The following KMT2E variants were observed in gnomAD, a reference collection of about 807,000 sequenced individuals.
KMT2E encodes the protein lysine methyltransferase 2E (inactive).
KMT2E carries 30 observed loss-of-function variants against 184.6 expected under a neutral mutation model. The ratio of observed to expected loss-of-function variants is 0.16; its 90% CI spans 0.12 to 0.22. KMT2E has a LOEUF of 0.22. Ranked by LOEUF, KMT2E falls within the 10% of genes least tolerant of loss-of-function variation. The pLI is 1.00. For missense variants in KMT2E, 2,023 were observed against 2,237.4 expected (o/e 0.90, Z 1.93); for synonymous variants, 815 against 776.5 (o/e 1.05, Z -0.82).
chr7:105,039,706 A>G (rs1027363655), intron 2 of KMT2E, among the ~76,000 whole-genome samples: 3 of 152,196 alleles, frequency 2.0e-5, no homozygotes, highest in Admixed American at 2.0e-4. Context: ...GGAGAGAGCT[A>G]CCAGATTACT....
chr7:105,053,065 G>A (rs778688171), intron 3 of KMT2E, among the ~76,000 whole-genome samples: 45 of 152,138 alleles, frequency 3.0e-4, no homozygotes, highest in Non-Finnish European at 5.9e-4. Context: ...CTGTATAATT[G>A]AATGAAAAGT....
chr7:105,105,164 CAAAAA>C lies in KMT2E; in HGVS notation c.2197-269_2197-265del, dbSNP rs996640075. 5.5e-5 allele frequency: 13 copies of C among 234,328 alleles called. No individual in the cohort carries two copies. The Admixed American group carries it at 7.7e-4, about 14-fold the overall frequency. The allele number at this position is 234,328 out of a possible 1,614,324, so 14.5% of individuals were successfully genotyped here. On this transcript the variant is annotated intron_variant, in intron 17 of 26. Transcript: ENST00000311117. ...GCCTGATGACAGAGATATCTTGTCT[CAAAAA>C]AAAAAGTAATACAAATTTCATGTAA...
At chr7:105,099,793 A>AAAT (rs1359581632) in intron 15 of KMT2E, among the ~76,000 whole-genome samples, 7 of 152,198 alleles carry the variant, frequency 4.6e-5, no homozygotes, top group Admixed American at 1.3e-4. Flanking sequence ...TTTTGAAAAG[A>AAAT]AATAACCATA....
At position 105,101,544 on chromosome 7, in the gene KMT2E, T is replaced by C. The variant is rs1798656503; in HGVS notation, c.1842T>C (p.Thr614=). The C allele has an allele frequency of 3.8e-6, 6 of 1,583,380 alleles. No individual in the cohort carries two copies. The highest frequency in any genetic ancestry group is 5.1e-6 in the Non-Finnish European group (6 of 1,169,382). ...RISTAKTEVK[T]ECKDTQIVSD... ...GCACAGCCAAAACTGAAGTTAAAAC[T>C]GAATGTAAAGATACACAGATTGTCA... Residue 614 remains threonine, a synonymous_variant, in exon 16 of 27, where the codon ACT becomes ACC. Coordinates refer to ENST00000311117, the MANE Select transcript of KMT2E (RefSeq NM_182931.3).
chr7:105,042,785 G>T (rs1254442005), intron 3 of KMT2E, among the ~76,000 whole-genome samples: 2 of 152,196 alleles, frequency 1.3e-5, no homozygotes, highest in African/African-American at 4.8e-5. Context: ...TAGATTGTAA[G>T]AGAGAGAAAA....
At position 105,090,234 on chromosome 7, in the gene KMT2E, A is replaced by C; in HGVS notation, c.1584A>C (p.Arg528Ser). Residue 528 changes from arginine (R) to serine (S), a missense_variant, in exon 14 of 27, where the codon AGA becomes AGC. By Grantham distance (110) the Arg-to-Ser change is moderately radical (BLOSUM62 -1). This residue lies in a region of KMT2E where 514 missense variants were observed against 621.8 expected (regional missense o/e 0.83). Transcript: ENST00000311117. ...NKMKSPETKQ[R>S]KLSPLRLSVS... ...TGAAGAGCCCAGAAACTAAACAAAGAAAGCTTTCTCCACTGAGACTATCAG... is the reference window on the plus strand; with the variant it reads ...TGAAGAGCCCAGAAACTAAACAAAGCAAGCTTTCTCCACTGAGACTATCAG... 1 of 1,603,948 alleles carries C rather than the reference A, an allele frequency of 6.2e-7. No homozygotes were observed. The highest frequency in any genetic ancestry group is 8.5e-7 in the Non-Finnish European group (1 of 1,177,770).
chr7:105,110,172 C>T (rs1584811674), intron 23 of KMT2E, 108 bp from the exon 24 acceptor site: 1 of 863,170 alleles, frequency 1.2e-6, no homozygotes, highest in East Asian at 2.5e-5. Context: ...AAAGTATTTT[C>T]CCAGTAGATC....
intron 15 of KMT2E, among the ~76,000 whole-genome samples, chr7:105,091,772 C>T (rs1173200442): frequency 1.3e-5 from 2 of 149,992 alleles, no homozygotes; most frequent in Non-Finnish European, 3.0e-5. Context: ...ACACTGCTAT[C>T]GTACAATAAG....
intron 10 of KMT2E, 29 bp from the exon 11 acceptor site, chr7:105,077,274 T>C (rs371544059): frequency 6.2e-7 from 1 of 1,603,518 alleles, no homozygotes; most frequent in African/African-American, 1.3e-5. Context: ...AGCAAGTTTA[T>C]TTAATCTCAA....
Position 105,107,493 on chromosome 7 carries a change from G to T in KMT2E, c.3036G>T (p.Gln1012His), listed in dbSNP as rs901295616. The change falls in exon 22 of 27, where the codon CAG (glutamine) becomes CAT (histidine). Residue 1012 changes from glutamine (Q) to histidine (H), a missense_variant. Coordinates refer to ENST00000311117, the MANE Select transcript of KMT2E (RefSeq NM_182931.3). The stretch of plus-strand genomic sequence containing the variant: ...GGAGTAGGACTGAAGTCAACAGGCA[G>T]TGTCCTGGAGAAAAGGAACCTGTGT... ...SPRSRTEVNRQCPGEKEPVSD... is the reference protein window; with the variant it reads ...SPRSRTEVNRHCPGEKEPVSD... The T allele has an allele frequency of 6.2e-7, 1 of 1,614,192 alleles. No homozygotes were observed.
chr7:105,107,954 T>C, intron 22 of KMT2E, 29 bp downstream of exon 22: 1 of 1,464,610 alleles, frequency 6.8e-7, no homozygotes, highest in Non-Finnish European at 9.1e-7. Flanking sequence ...TATAGTCCTT[T>C]TAATAGTTTT....
Position 105,085,038 on chromosome 7 carries a change from TTTTC to T in KMT2E, c.1358+3245_1358+3248del, listed in dbSNP as rs552113136. ...ATGCATATGCATTCTTGACATAACT[TTTTC>T]TTTTTTTTTTAATATTTCTAGGCTA... On this transcript the variant is annotated intron_variant, in intron 13 of 26. Coordinates refer to ENST00000311117, the MANE Select transcript of KMT2E (RefSeq NM_182931.3). Among the ~76,000 whole-genome samples the T allele has an allele frequency of 6.5e-4, 99 of 152,204 alleles. No homozygotes were observed. In the East Asian group the frequency reaches 0.018, roughly 28 times the overall value.
intron 13 of KMT2E, among the ~76,000 whole-genome samples, chr7:105,084,911 A>ATG (rs1554395855): frequency 6.6e-6 from 1 of 152,174 alleles, no homozygotes; most frequent in Non-Finnish European, 1.5e-5. Context: ...GAATGGCACC[A>ATG]TGTAAGGTCT....
intron 15 of KMT2E, among the ~76,000 whole-genome samples, chr7:105,093,091 G>A (rs12667625): frequency 0.28 from 42,636 of 151,784 alleles, 8,923 homozygotes; most frequent in East Asian, 0.64. Flanking sequence ...GCTATTCAGG[G>A]TGCTGAAGCG....
intron 13 of KMT2E, 70 bp from the exon 14 acceptor site, chr7:105,089,939 A>T: frequency 2.9e-5 from 45 of 1,564,718 alleles, no homozygotes; most frequent in Non-Finnish European, 3.9e-5. Context: ...GTTGCAGCTT[A>T]AAATGGATTA....
At position 105,102,371 on chromosome 7, in the gene KMT2E, C is replaced by A. The variant is rs148927625; in HGVS notation, c.2196+177C>A. ...ACTGTAAAATTAATATAAATGTTTG[C>A]ATTACTGTGAAGATAAAGTTACATT... On this transcript the variant is annotated intron_variant, in intron 17 of 26. Coordinates refer to ENST00000311117, the MANE Select transcript of KMT2E (RefSeq NM_182931.3). 8.2e-5 allele frequency: 41 copies of A among 502,736 alleles called. No homozygotes were observed. In the East Asian group the frequency reaches 1.5e-3, roughly 19 times the overall value. 31.1% of individuals were successfully genotyped at this position (502,736 alleles called of 1,614,324 possible). A position where few individuals can be genotyped will look rare whatever the true frequency, so the allele number is the denominator to read the frequency against.
chr7:105,101,978 C>T lies in KMT2E; in HGVS notation c.1980C>T (p.His660=), dbSNP rs1248157072. 3 of 1,613,928 alleles carry T rather than the reference C, an allele frequency of 1.9e-6. No individual in the cohort carries two copies. Among genetic ancestry groups the T allele is most frequent in the Non-Finnish European group, 2.5e-6 (3 of 1,179,900 alleles). The part of the protein sequence containing the change: ...QRKSFSRSRT[H]IGQQRRRHRT... Reference sequence around the variant, plus strand: ...AAAGTTTTTCTCGGAGTAGGACTCACATTGGACAGCAGCGTCGGAGACACA... The same window carrying T: ...AAAGTTTTTCTCGGAGTAGGACTCATATTGGACAGCAGCGTCGGAGACACA... Residue 660 remains histidine, a synonymous_variant, in exon 17 of 27, where the codon CAC becomes CAT. Transcript: ENST00000311117.
chr7:105,101,691 C>T (rs1376506130), intron 16 of KMT2E, 102 bp downstream of exon 16: 1 of 1,072,404 alleles, frequency 9.3e-7, no homozygotes, highest in African/African-American at 1.7e-5. Flanking sequence ...TGTCTATTAG[C>T]TTTTTAATAG....
chr7:105,108,619 C>T (rs1054136168), intron 22 of KMT2E: 4 of 460,354 alleles, frequency 8.7e-6, no homozygotes, highest in Admixed American at 7.4e-5. Flanking sequence ...GACCTAGGTT[C>T]GAATCCCGGC....
Sources: gnomAD v4.1 joint callset for allele counts (sites outside exome capture counted in the v4.1 genomes callset) on GRCh38, gnomAD v4.1.1 for gene constraint, gnomAD v4.1.1 regional missense constraint, MANE v1.5 for transcripts, NCBI Gene and HGNC (gene_info 2026-07-23, HGNC 2026-07-21) for gene names.